DLC1: variants seen among roughly 807,000 people sequenced by gnomAD.
DLC1 encodes rho GTPase-activating protein 7.
Under a neutral mutation model 140.3 loss-of-function variants are expected in DLC1, and 54 were observed. That is an observed-to-expected ratio of 0.38 (90% CI 0.31 to 0.48). The LOEUF is 0.48. Among genes scored for constraint, DLC1 ranks in the 20% least tolerant of loss-of-function variants. The pLI is 0.96. For synonymous variants in DLC1, 986 were observed against 728.1 expected (o/e 1.35, Z -5.70); for missense variants, 2,536 against 1,907.0 (o/e 1.33, Z -6.14).
chr8:13,525,157 C>A (rs1802880466), intron 1 of DLC1, among the ~76,000 whole-genome samples: 1 of 152,156 alleles, frequency 6.6e-6, no homozygotes, highest in Non-Finnish European at 1.5e-5. Context: ...CATGTTGTTG[C>A]ATGTATCTGT....
At chr8:13,384,792 AGGGTTCAGAACTCACT>A (rs1006659972) in intron 4 of DLC1, among the ~76,000 whole-genome samples, 1 of 152,154 alleles carries the variant, frequency 6.6e-6, no homozygotes, top group African/African-American at 2.4e-5. Context: ...TGTCCAGTCC[AGGGTTCAGAACTCACT>A]GATGAAGAAA....
chr8:13,182,446 G>A (rs28814614), intron 5 of DLC1, among the ~76,000 whole-genome samples: 18,419 of 151,902 alleles, frequency 0.12, 1,943 homozygotes, highest in East Asian at 0.31. Flanking sequence ...GGGTTTTTAT[G>A]GTTTTAGGTC....
chr8:13,113,342 C>A (rs1232325756), intron 6 of DLC1, among the ~76,000 whole-genome samples: 1 of 152,090 alleles, frequency 6.6e-6, no homozygotes, highest in African/African-American at 2.4e-5. Flanking sequence ...CACACAGTGG[C>A]AGGAAAAACG....
intron 5 of DLC1, among the ~76,000 whole-genome samples, chr8:13,253,336 A>G (rs1380246115): frequency 6.6e-6 from 1 of 152,190 alleles, no homozygotes; most frequent in Non-Finnish European, 1.5e-5. Flanking sequence ...GCCTTTTTAA[A>G]AATTGTCATT....
intron 5 of DLC1, among the ~76,000 whole-genome samples, chr8:13,260,428 G>A (rs983803439): frequency 1.3e-5 from 2 of 152,162 alleles, no homozygotes; most frequent in Non-Finnish European, 2.9e-5. Flanking sequence ...CTTCACATGA[G>A]GCATGAAGGA....
intron 1 of DLC1, among the ~76,000 whole-genome samples, chr8:13,555,595 G>T (rs370257695): frequency 1.3e-5 from 2 of 151,908 alleles, no homozygotes; most frequent in Non-Finnish European, 2.9e-5. Flanking sequence ...GGGTACAAGC[G>T]ATTCTCCTGC....
At chr8:13,169,303 C>T (rs908060744) in intron 5 of DLC1, among the ~76,000 whole-genome samples, 1 of 152,150 alleles carries the variant, frequency 6.6e-6, no homozygotes, top group African/African-American at 2.4e-5. Context: ...TTTGGATATT[C>T]AGGGATTTAA....
intron 16 of DLC1, 124 bp downstream of exon 16, chr8:13,088,363 T>C (rs1166173403): frequency 8.7e-7 from 1 of 1,155,326 alleles, no homozygotes; most frequent in Non-Finnish European, 1.2e-6. Context: ...ATTACAGGTG[T>C]GAGCCACCAT....
intron 4 of DLC1, among the ~76,000 whole-genome samples, chr8:13,369,120 T>A (rs1355419071): frequency 6.6e-6 from 1 of 152,180 alleles, no homozygotes; most frequent in Non-Finnish European, 1.5e-5. Context: ...GGCAGTGCTA[T>A]GATTACACGG....
chr8:13,566,862 C>T, intron 1 of DLC1: 1 of 1,232,262 alleles, frequency 8.1e-7, no homozygotes, highest in Non-Finnish European at 1.1e-6. Flanking sequence ...GGGAAGGCGT[C>T]TCCCGGAAGA....
intron 2 of DLC1, among the ~76,000 whole-genome samples, chr8:13,479,613 G>A (rs1192128490): frequency 6.6e-6 from 1 of 151,938 alleles, no homozygotes; most frequent in African/African-American, 2.4e-5. Context: ...TAACTCTAGG[G>A]AGGAAAAATA....
At position 13,095,163 on chromosome 8, in the gene DLC1, C is replaced by G. The variant is rs774780095; in HGVS notation, c.3250G>C (p.Val1084Leu). The G allele has an allele frequency of 6.2e-7, 1 of 1,614,148 alleles. No homozygotes were observed. Among genetic ancestry groups the G allele is most frequent in the African/African-American group, 1.3e-5 (1 of 74,954 alleles). ...SVFGVPLTVN[V>L]QRTGQPLPQS... ...GGCAACGGTTGTCCTGTGCGCTGCACGTTGACCGTCAGTGGGACCCCAAAC... is the reference window on the plus strand; with the variant it reads ...GGCAACGGTTGTCCTGTGCGCTGCAGGTTGACCGTCAGTGGGACCCCAAAC... Residue 1084 changes from valine to leucine, a missense_variant, in exon 11 of 18, where the codon GTG becomes CTG. Val to Leu is a conservative substitution (Grantham distance 32, BLOSUM62 1). Transcript: ENST00000276297.
chr8:13,568,071 C>CA, intron 1 of DLC1: 1 of 1,127,622 alleles, frequency 8.9e-7, no homozygotes. Context: ...AGAACTTTCA[C>CA]TTTTTTTTTC....
rs142141767 is a variant in DLC1 at position 13,347,875 on chromosome 8, G to T, written c.1315-42573C>A. ...GAGTCCAAGGCAGGTGGATCACAAG[G>T]TCAGGATATCGAGACCATCCTGGCT... On this transcript the variant is annotated intron_variant, in intron 4 of 17. Transcript: ENST00000276297. 2.8e-3 allele frequency among the ~76,000 whole-genome samples: 425 copies of T among 152,264 alleles called. 4 individuals carry two copies. Among genetic ancestry groups the T allele is most frequent in the African/African-American group, 9.5e-3 (396 of 41,552 alleles).
intron 5 of DLC1, chr8:13,304,901 T>A: frequency 2.0e-6 from 2 of 994,786 alleles, no homozygotes; most frequent in Non-Finnish European, 2.4e-6. Context: ...TCTTTTTCTG[T>A]GGCTACTAAG....
chr8:13,305,815 C>A (rs1832394818), intron 4 of DLC1, among the ~76,000 whole-genome samples: 1 of 152,168 alleles, frequency 6.6e-6, no homozygotes, highest in Non-Finnish European at 1.5e-5. Context: ...CCAGCCTGGG[C>A]AACACAGTCA....
At position 13,511,521 on chromosome 8, in the gene DLC1, A is replaced by G. The variant is rs140297198; in HGVS notation, c.-126+3081T>C. Among the ~76,000 whole-genome samples the G allele has an allele frequency of 1.6e-3, 244 of 152,342 alleles. 3 individuals carry two copies. The highest frequency in any genetic ancestry group is 0.014 in the Middle Eastern group (4 of 294). On this transcript the variant is annotated intron_variant, in intron 1 of 17. Coordinates refer to ENST00000276297, the MANE Select transcript of DLC1 (RefSeq NM_182643.3). ...TAAACTATCAGTTGAAAGCCAAAAC[A>G]GAACCATAGAAGTAAACACTGTATT...
chr8:13,278,993 C>G (rs912869735), intron 5 of DLC1, among the ~76,000 whole-genome samples: 4 of 152,212 alleles, frequency 2.6e-5, no homozygotes, highest in Admixed American at 2.0e-4. Context: ...GCCTCAAAAA[C>G]TCATTAGCTT....
At chr8:13,380,260 C>T (rs554509575) in intron 4 of DLC1, among the ~76,000 whole-genome samples, 10 of 152,272 alleles carry the variant, frequency 6.6e-5, no homozygotes, top group Admixed American at 2.6e-4. Flanking sequence ...TTATTCTCCC[C>T]GGAAAACTAC....
Sources: allele counts gnomAD v4.1 joint callset (sites outside exome capture counted in the v4.1 genomes callset), GRCh38; gene constraint gnomAD v4.1.1; transcripts MANE v1.5; gene names NCBI Gene and HGNC (gene_info 2026-07-23, HGNC 2026-07-21).